The following CACNA2D3 variants were observed in gnomAD, a reference collection of about 807,000 sequenced individuals.
The protein encoded by CACNA2D3 is calcium voltage-gated channel auxiliary subunit alpha2delta 3.
In CACNA2D3, 60 loss-of-function variants were observed where a neutral mutation model predicts 160.6. That is an observed-to-expected ratio of 0.37 (90% CI 0.30 to 0.46). The LOEUF is 0.46. Ranked by LOEUF, CACNA2D3 falls within the 20% of genes least tolerant of loss-of-function variation. The pLI, the probability that CACNA2D3 is intolerant of heterozygous loss-of-function variation, is 1.00. For synonymous variants in CACNA2D3, 558 were observed against 492.9 expected (o/e 1.13, Z -1.75); for missense variants, 1,205 against 1,365.0 (o/e 0.88, Z 1.85).
chr3:54,301,858 A>G (rs907517000), intron 2 of CACNA2D3, among the ~76,000 whole-genome samples: 2 of 152,240 alleles, frequency 1.3e-5, no homozygotes, highest in Non-Finnish European at 2.9e-5. Flanking sequence ...AGTGACACCT[A>G]TGACTCAGGC....
chr3:54,457,962 T>C lies in CACNA2D3; in HGVS notation c.382-45530T>C, dbSNP rs150866971. Among the ~76,000 whole-genome samples the C allele has an allele frequency of 1.2e-3, 190 of 152,220 alleles. 1 individual carries two copies. Among genetic ancestry groups the C allele is most frequent in the African/African-American group, 4.1e-3 (171 of 41,572 alleles). ...TTTTTCTATTCCTTTATTTTAAGTC[T>C]TTGGGTCTTTACATGCAAAGTAAAT... On this transcript the variant is annotated intron_variant, in intron 4 of 37. Transcript: ENST00000474759.
intron 27 of CACNA2D3, among the ~76,000 whole-genome samples, chr3:54,946,831 A>AG (rs1701626783): frequency 7.1e-6 from 1 of 140,294 alleles, no homozygotes. Context: ...AAAAAAAAAA[A>AG]TGATGGGACC....
intron 14 of CACNA2D3, among the ~76,000 whole-genome samples, chr3:54,817,719 G>C (rs1442596346): frequency 6.6e-6 from 1 of 152,198 alleles, no homozygotes; most frequent in Non-Finnish European, 1.5e-5. Flanking sequence ...CTCATTGAGA[G>C]AGAGCACAAC....
intron 11 of CACNA2D3, among the ~76,000 whole-genome samples, chr3:54,667,078 C>A (rs920907254): frequency 6.6e-6 from 1 of 152,192 alleles, no homozygotes; most frequent in Non-Finnish European, 1.5e-5. Context: ...CTCATTCCAG[C>A]TTAAATTCCC....
At position 54,380,972 on chromosome 3, in the gene CACNA2D3, ATTATGGATT is replaced by A. The variant is rs542442423; in HGVS notation, c.322-5741_322-5733del. Among the ~76,000 whole-genome samples the A allele has an allele frequency of 6.6e-3, 999 of 152,268 alleles. 11 individuals are homozygous for A. The highest frequency in any genetic ancestry group is 0.023 in the African/African-American group (955 of 41,544). The stretch of plus-strand genomic sequence containing the variant: ...CGTGTAGCCCAAATCCATGTTCATG[ATTATGGATT>A]TGAGTTCCCCCCATTTGAGCTTAAA... On this transcript the variant is annotated intron_variant, in intron 3 of 37. Transcript: ENST00000474759.
chr3:54,731,507 A>G, intron 11 of CACNA2D3, among the ~76,000 whole-genome samples: 1 of 152,124 alleles, frequency 6.6e-6, no homozygotes. Context: ...GGTCACAGTT[A>G]TTTACATCAT....
intron 13 of CACNA2D3, among the ~76,000 whole-genome samples, chr3:54,800,830 G>A (rs532756316): frequency 4.0e-4 from 61 of 152,160 alleles, no homozygotes; most frequent in Non-Finnish European, 7.2e-4. Flanking sequence ...CTAATCTGGT[G>A]TGGTGGACGG....
At chr3:54,528,269 T>TAA (rs10660243) in intron 5 of CACNA2D3, among the ~76,000 whole-genome samples, 95,510 of 150,376 alleles carry the variant, frequency 0.64, 30,440 homozygotes, top group African/African-American at 0.67. Flanking sequence ...ACTTAACAGA[T>TAA]AAAAAAAAAA....
chr3:54,925,287 G>A, intron 27 of CACNA2D3: 1 of 1,240,838 alleles, frequency 8.1e-7, no homozygotes, highest in Non-Finnish European at 1.1e-6. Flanking sequence ...TTCCGCCTTT[G>A]AATTTACAGG....
chr3:54,488,481 G>A (rs1701053037), intron 4 of CACNA2D3, among the ~76,000 whole-genome samples: 1 of 151,980 alleles, frequency 6.6e-6, no homozygotes, highest in Non-Finnish European at 1.5e-5. Flanking sequence ...CTGAACAGTG[G>A]CCCGACTAGC....
At chr3:54,822,979 C>T (rs62254518) in intron 14 of CACNA2D3, among the ~76,000 whole-genome samples, 2,354 of 151,546 alleles carry the variant, frequency 0.016, 65 homozygotes, top group African/African-American at 0.054. Flanking sequence ...CTCAGCCTCC[C>T]GAGTAGCTGG....
intron 27 of CACNA2D3, among the ~76,000 whole-genome samples, chr3:54,929,385 G>A (rs546995522): frequency 3.7e-4 from 57 of 152,350 alleles, no homozygotes; most frequent in Non-Finnish European, 3.4e-4. Flanking sequence ...GGAATGTCCT[G>A]AGGGAGGTCT....
At chr3:54,862,618 C>G (rs1288935419) in intron 17 of CACNA2D3, among the ~76,000 whole-genome samples, 1 of 152,150 alleles carries the variant, frequency 6.6e-6, no homozygotes, top group Admixed American at 6.5e-5. Context: ...TGAAGGCTCT[C>G]TCTGTTCCTC....
chr3:54,712,680 T>TA (rs1351114123), intron 11 of CACNA2D3, among the ~76,000 whole-genome samples: 1 of 152,226 alleles, frequency 6.6e-6, no homozygotes, highest in Non-Finnish European at 1.5e-5. Context: ...CAGAAGCATG[T>TA]AAACGGACTA....
chr3:54,688,192 A>AATTC (rs1307365142), intron 11 of CACNA2D3, among the ~76,000 whole-genome samples: 3 of 152,202 alleles, frequency 2.0e-5, no homozygotes, highest in Admixed American at 2.0e-4. Flanking sequence ...CAAGAGCATG[A>AATTC]AGCTCTTATT....
At position 54,194,895 on chromosome 3, in the gene CACNA2D3, T is replaced by C. The variant is rs538793117; in HGVS notation, c.204+71301T>C. ...GGCCATTACATTCCAATACATGGAT[T>C]TGGGGGGACACATTTAGACCATAGT... On this transcript the variant is annotated intron_variant, in intron 2 of 37. Coordinates refer to ENST00000474759, the MANE Select transcript of CACNA2D3 (RefSeq NM_018398.3). 5.9e-5 allele frequency among the ~76,000 whole-genome samples: 9 copies of C among 152,284 alleles called. No individual in the cohort carries two copies. In the South Asian group the frequency reaches 1.7e-3, roughly 28 times the overall value.
At chr3:54,346,177 C>G (rs977654410) in intron 3 of CACNA2D3, among the ~76,000 whole-genome samples, 1 of 152,174 alleles carries the variant, frequency 6.6e-6, no homozygotes, top group Non-Finnish European at 1.5e-5. Flanking sequence ...GTAAGTGTTA[C>G]TTCCCGAGAT....
chr3:54,836,222 T>C (rs746221495), intron 14 of CACNA2D3, among the ~76,000 whole-genome samples: 5 of 101,008 alleles, frequency 5.0e-5, no homozygotes, highest in Admixed American at 9.8e-5. Context: ...TTCTTTTTTT[T>C]TTTCTTTTTT....
chr3:54,892,267 T>C (rs1256417274), intron 25 of CACNA2D3, among the ~76,000 whole-genome samples: 1 of 152,108 alleles, frequency 6.6e-6, no homozygotes, highest in Non-Finnish European at 1.5e-5. Context: ...GTTCAGAGGT[T>C]ACCACAGAAC....
Sources: gnomAD v4.1 joint callset for allele counts (sites outside exome capture counted in the v4.1 genomes callset) on GRCh38, gnomAD v4.1.1 for gene constraint, MANE v1.5 for transcripts, NCBI Gene and HGNC (gene_info 2026-07-23, HGNC 2026-07-21) for gene names.